PRRG1: variants seen among roughly 807,000 people sequenced by gnomAD.
PRRG1 encodes the protein proline rich and Gla domain 1.
A neutral mutation model predicts 11.8 loss-of-function variants in PRRG1; 5 were observed. The observed-to-expected ratio is 0.42, with a 90% CI of 0.22 to 0.89. The LOEUF (loss-of-function observed/expected upper bound fraction) is 0.89. Among genes scored for constraint, PRRG1 ranks in the 40% least tolerant of loss-of-function variants. The probability of loss-of-function intolerance (pLI) is 0.28; values close to 1 mark genes in which losing one functional copy is unlikely to be tolerated. For synonymous variants in PRRG1, 66 were observed against 60.4 expected (o/e 1.09, Z -0.43); for missense variants, 155 against 166.1 (o/e 0.93, Z 0.37).
At chrX:37,431,155 A>G (rs1932823869) in intron 3 of PRRG1, among the ~76,000 whole-genome samples, 1 of 112,110 alleles carries the variant, frequency 8.9e-6, no homozygotes, top group Non-Finnish European at 1.9e-5. Flanking sequence ...TTGCTTATTG[A>G]GAGACGTGTG....
intron 3 of PRRG1, among the ~76,000 whole-genome samples, chrX:37,432,277 C>CAA (rs1556390625): frequency 1.9e-5 from 2 of 104,320 alleles, no homozygotes; most frequent in African/African-American, 7.9e-5. Flanking sequence ...TTAGTAGAGA[C>CAA]GGCTTTCACC....
rs931937230 is a variant in PRRG1 at position 37,454,463 on chromosome X, C to T, written c.*842C>T. The T allele has an allele frequency of 8.9e-6, 1 of 111,919 alleles. No individual in the cohort carries two copies. Among genetic ancestry groups the T allele is most frequent in the Non-Finnish European group, 1.9e-5 (1 of 53,192 alleles). The allele number at this position is 111,919 out of a possible 1,213,427, so 9.2% of individuals were successfully genotyped here. On this transcript the variant is annotated 3_prime_UTR_variant, in exon 4 of 4. Coordinates refer to ENST00000378628, the MANE Select transcript of PRRG1 (RefSeq NM_001142395.2). ...TGACAGGCAGTAAATACCCATTACT[C>T]CTTTACTCATAGCTGGTAAAATTAT...
chrX:37,388,304 G>A (rs1358730443), intron 1 of PRRG1, among the ~76,000 whole-genome samples: 1 of 112,690 alleles, frequency 8.9e-6, no homozygotes, highest in Admixed American at 9.4e-5. Context: ...ACTAGACAAT[G>A]CCCCAGTGGT....
intron 1 of PRRG1, among the ~76,000 whole-genome samples, chrX:37,382,977 T>C (rs1198032183): frequency 5.4e-5 from 6 of 111,429 alleles, no homozygotes; most frequent in African/African-American, 2.0e-4. Context: ...TAGATTGAGT[T>C]GAAGAGTTTA....
intron 1 of PRRG1, among the ~76,000 whole-genome samples, chrX:37,388,026 A>G (rs1006065379): frequency 8.0e-5 from 9 of 112,140 alleles, no homozygotes; most frequent in African/African-American, 2.6e-4. Context: ...TCTGAAATCC[A>G]GGAAGGTAGT....
intron 1 of PRRG1, among the ~76,000 whole-genome samples, chrX:37,373,078 G>A (rs989540240): frequency 9.0e-6 from 1 of 111,416 alleles, no homozygotes; most frequent in Non-Finnish European, 1.9e-5. Flanking sequence ...TGTGTTCTTG[G>A]CCCCTTTTTG....
At position 37,456,888 on chromosome X, in the gene PRRG1, C is replaced by A. The variant is rs1321236033; in HGVS notation, c.*3267C>A. The A allele has an allele frequency of 1.8e-5, 2 of 112,240 alleles. No individual in the cohort carries two copies. Among genetic ancestry groups the A allele is most frequent in the African/African-American group, 6.5e-5 (2 of 30,917 alleles). 9.2% of individuals were successfully genotyped at this position (112,240 alleles called of 1,213,427 possible). ...TAAATAAAAGAACAGGCTCAGTGGT[C>A]TTCCTGTAGAATGGTTTACATGCCT... is the stretch of plus-strand genomic sequence containing the variant. On this transcript the variant is annotated 3_prime_UTR_variant, in exon 4 of 4. Transcript: ENST00000378628.
At chrX:37,359,674 T>C (rs1366292180) in intron 1 of PRRG1, among the ~76,000 whole-genome samples, 3 of 112,033 alleles carry the variant, frequency 2.7e-5, no homozygotes, top group Non-Finnish European at 5.6e-5. Context: ...CCTTGGCTTC[T>C]AACTTCAGGA....
At chrX:37,372,577 G>A (rs782502839) in intron 1 of PRRG1, among the ~76,000 whole-genome samples, 9 of 112,660 alleles carry the variant, frequency 8.0e-5, no homozygotes, top group Non-Finnish European at 1.7e-4. Context: ...GCCTCCCAAA[G>A]TGCTGGGATT....
Position 37,410,500 on chromosome X carries a change from A to G in PRRG1, c.10+4241A>G, listed in dbSNP as rs184098579. On this transcript the variant is annotated intron_variant, in intron 2 of 3. Coordinates refer to ENST00000378628, the MANE Select transcript of PRRG1 (RefSeq NM_001142395.2). ...TGCTGTGAGAGGTATGGAAGAAATT[A>G]TTTTTTGATATCTGCAATGTTCATA... is the stretch of plus-strand genomic sequence containing the variant. Among the ~76,000 whole-genome samples, 123 of 112,017 alleles carry G rather than the reference A, an allele frequency of 1.1e-3. 1 individual carries two copies. The highest frequency in any genetic ancestry group is 3.9e-3 in the African/African-American group (119 of 30,890).
intron 1 of PRRG1, among the ~76,000 whole-genome samples, chrX:37,359,475 A>G (rs1366214689): frequency 9.0e-6 from 1 of 111,554 alleles, no homozygotes; most frequent in Non-Finnish European, 1.9e-5. Context: ...CCAGCCTTGC[A>G]TACTTGTCAT....
chrX:37,381,417 C>G (rs781787151), intron 1 of PRRG1, among the ~76,000 whole-genome samples: 1 of 111,843 alleles, frequency 8.9e-6, no homozygotes, highest in Non-Finnish European at 1.9e-5. Flanking sequence ...TACATTTCTT[C>G]TTTTGAGGAC....
intron 1 of PRRG1, among the ~76,000 whole-genome samples, chrX:37,366,725 G>A (rs1457318755): frequency 7.2e-5 from 8 of 111,819 alleles, no homozygotes; most frequent in South Asian, 3.8e-4. Flanking sequence ...CACCCAGCTA[G>A]TATATGTACT....
chrX:37,453,115 T>C, intron 3 of PRRG1, 21 bp from the exon 4 acceptor site: 2 of 1,157,146 alleles, frequency 1.7e-6, no homozygotes, highest in Middle Eastern at 2.4e-4. Flanking sequence ...ATTTTCTATT[T>C]ATTTTGTATT....
intron 3 of PRRG1, among the ~76,000 whole-genome samples, chrX:37,452,898 T>A (rs1921197404): frequency 8.9e-6 from 1 of 112,176 alleles, no homozygotes. Flanking sequence ...TAACTCCAAG[T>A]CTTTAAAAAC....
At position 37,383,358 on chromosome X, in the gene PRRG1, A is replaced by C. The variant is rs1931217394; in HGVS notation, c.-41-22851A>C. ...TTTATTGAACATGTAAATCTTATTTAAGAATTCATCCTGCAAAATATATAT... is the reference window on the plus strand; with the variant it reads ...TTTATTGAACATGTAAATCTTATTTCAGAATTCATCCTGCAAAATATATAT... On this transcript the variant is annotated intron_variant, in intron 1 of 3. Transcript: ENST00000378628. Among the ~76,000 whole-genome samples, 3 of 111,927 alleles carry C rather than the reference A, an allele frequency of 2.7e-5. 1 individual carries two copies. The Admixed American group carries it at 2.8e-4, about 11-fold the overall frequency.
intron 2 of PRRG1, among the ~76,000 whole-genome samples, chrX:37,410,019 A>C (rs5917204): frequency 0.3 from 33,049 of 111,122 alleles, 7,085 homozygotes; most frequent in African/African-American, 0.77. Context: ...AAATTTAAAT[A>C]TTAAGGTGGG....
At chrX:37,359,545 A>G (rs1018543917) in intron 1 of PRRG1, among the ~76,000 whole-genome samples, 1 of 111,129 alleles carries the variant, frequency 9.0e-6, no homozygotes, top group Non-Finnish European at 1.9e-5. Context: ...TACAATTGAT[A>G]ATATTTTGTT....
chrX:37,375,958 A>G (rs1930925125), intron 1 of PRRG1, among the ~76,000 whole-genome samples: 1 of 111,051 alleles, frequency 9.0e-6, no homozygotes, highest in African/African-American at 3.3e-5. Flanking sequence ...CTGCTTCAGA[A>G]AGTTGGATTT....
Sources: allele counts gnomAD v4.1 joint callset (sites outside exome capture counted in the v4.1 genomes callset), GRCh38; gene constraint gnomAD v4.1.1; transcripts MANE v1.5; gene names NCBI Gene and HGNC (gene_info 2026-07-23, HGNC 2026-07-21).